NREP: variants seen among roughly 807,000 people sequenced by gnomAD.
NREP encodes neuronal regeneration related protein.
A neutral mutation model predicts 8.6 loss-of-function variants in NREP; 5 were observed. The observed-to-expected ratio is 0.58, with a 90% CI of 0.30 to 1.22. The LOEUF (loss-of-function observed/expected upper bound fraction) is 1.22, where lower values mean the gene tolerates loss of function less well. Among genes scored for constraint, NREP ranks in the 50% most tolerant of loss-of-function variants. The pLI, the probability that NREP is intolerant of heterozygous loss-of-function variation, is 0.07. For missense variants in NREP, 86 were observed against 82.5 expected (o/e 1.04, Z -0.17); for synonymous variants, 27 against 28.0 (o/e 0.96, Z 0.11).
chr5:111,910,894 T>G (rs1290738410), intron 2 of NREP, among the ~76,000 whole-genome samples: 4 of 152,096 alleles, frequency 2.6e-5, no homozygotes, highest in African/African-American at 9.7e-5. Flanking sequence ...CTCCTCCAAA[T>G]GATCTCCTAC....
intron 2 of NREP, among the ~76,000 whole-genome samples, chr5:111,844,151 AAG>A: frequency 6.6e-6 from 1 of 152,198 alleles, no homozygotes; most frequent in Non-Finnish European, 1.5e-5. Context: ...GATAGAATAA[AAG>A]AGTTATAAAG....
intron 2 of NREP, among the ~76,000 whole-genome samples, chr5:111,879,746 G>C (rs960229642): frequency 6.6e-6 from 1 of 152,196 alleles, no homozygotes; most frequent in Admixed American, 6.5e-5. Flanking sequence ...GGCCAGCATA[G>C]TTGAGCTTTG....
chr5:111,837,699 G>A (rs1752928377), intron 2 of NREP, among the ~76,000 whole-genome samples: 1 of 151,978 alleles, frequency 6.6e-6, no homozygotes, highest in Admixed American at 6.6e-5. Context: ...ATTTTTCAGT[G>A]CTTGATGAAA....
intron 2 of NREP, among the ~76,000 whole-genome samples, chr5:111,782,438 A>T (rs1011811094): frequency 6.6e-6 from 1 of 152,214 alleles, no homozygotes; most frequent in Admixed American, 6.5e-5. Context: ...CAGAGATGTG[A>T]TCATATATTC....
chr5:111,759,019 G>A (rs988980779), upstream of NREP, among the ~76,000 whole-genome samples: 3 of 152,202 alleles, frequency 2.0e-5, no homozygotes, highest in African/African-American at 4.8e-5. Context: ...TAGGAACAAA[G>A]GGAAGAAATA....
intron 2 of NREP, among the ~76,000 whole-genome samples, chr5:111,907,131 C>T (rs1490996248): frequency 1.3e-5 from 2 of 151,984 alleles, no homozygotes; most frequent in Non-Finnish European, 2.9e-5. Context: ...TTTCTCCTAG[C>T]CTGTGGCTTG....
intron 2 of NREP, among the ~76,000 whole-genome samples, chr5:111,777,812 G>C (rs1226588495): frequency 2.0e-5 from 3 of 152,202 alleles, no homozygotes; most frequent in Admixed American, 6.5e-5. Flanking sequence ...TATAACTAAA[G>C]TATGGCCAGG....
At chr5:111,799,585 C>T (rs569427002) in intron 2 of NREP, among the ~76,000 whole-genome samples, 1 of 152,246 alleles carries the variant, frequency 6.6e-6, no homozygotes, top group South Asian at 2.1e-4. Flanking sequence ...TTCCTATATG[C>T]TTTTAATCTG....
chr5:111,862,456 C>A (rs920278771), intron 2 of NREP, among the ~76,000 whole-genome samples: 4 of 152,058 alleles, frequency 2.6e-5, no homozygotes, highest in Admixed American at 2.6e-4. Flanking sequence ...TTTAGTCCTA[C>A]TGAGACCTAC....
intron 2 of NREP, among the ~76,000 whole-genome samples, chr5:111,833,351 C>A (rs1752819208): frequency 6.6e-6 from 1 of 152,190 alleles, no homozygotes; most frequent in Non-Finnish European, 1.5e-5. Flanking sequence ...CTAAACTGAT[C>A]AATGATACTA....
At chr5:111,964,557 G>A (rs1756577831) in intron 2 of NREP, among the ~76,000 whole-genome samples, 1 of 151,860 alleles carries the variant, frequency 6.6e-6, no homozygotes, top group South Asian at 2.1e-4. Flanking sequence ...TTTAGTAGAG[G>A]TGGGGTTTGC....
At chr5:111,891,727 G>C (rs1754399520) in intron 2 of NREP, among the ~76,000 whole-genome samples, 1 of 152,154 alleles carries the variant, frequency 6.6e-6, no homozygotes, top group Non-Finnish European at 1.5e-5. Flanking sequence ...ATCTAACATG[G>C]TGGGAGCAGG....
chr5:111,851,344 C>CA (rs766221950), intron 2 of NREP, among the ~76,000 whole-genome samples: 2 of 152,172 alleles, frequency 1.3e-5, no homozygotes, highest in Non-Finnish European at 2.9e-5. Context: ...TGCAGATACT[C>CA]TGGTGTTCTA....
At chr5:111,894,012 G>A (rs375445981) in intron 2 of NREP, among the ~76,000 whole-genome samples, 1 of 152,064 alleles carries the variant, frequency 6.6e-6, no homozygotes, top group East Asian at 1.9e-4. Flanking sequence ...GAGGTCAGGA[G>A]TTCAAGACTA....
In NREP at chr5:111,832,957, A is replaced by C. The variant is rs140761752; in HGVS notation, c.136-97450T>G. 4.2e-3 allele frequency among the ~76,000 whole-genome samples: 647 copies of C among 152,320 alleles called. 5 individuals carry two copies. The highest frequency in any genetic ancestry group is 0.024 in the Middle Eastern group (7 of 294). ...AGCCCTAACCTGGCTTGGAGGCCAC[A>C]TTGGAAGCAGTGTTCATCTGTCCCT... On this transcript the variant is annotated intron_variant, in intron 2 of 3. Transcript: ENST00000395634.
chr5:111,964,855 CAAAAAAAAAAAAAAAAAA>C (rs58877839), intron 2 of NREP, among the ~76,000 whole-genome samples: 108 of 44,878 alleles, frequency 2.4e-3, no homozygotes, highest in Admixed American at 5.3e-3. Context: ...CTTTCAGCAG[CAAAAAAAAAAAAAAAAAA>C]AAAAAAAAAA....
chr5:111,882,391 G>T (rs1201327400), intron 2 of NREP, among the ~76,000 whole-genome samples: 2 of 152,190 alleles, frequency 1.3e-5, no homozygotes, highest in African/African-American at 4.8e-5. Flanking sequence ...ATGGAACTAA[G>T]TTGGAAAACA....
intron 2 of NREP, among the ~76,000 whole-genome samples, chr5:111,811,333 T>C (rs536641326): frequency 1.3e-5 from 2 of 152,298 alleles, no homozygotes; most frequent in South Asian, 2.1e-4. Flanking sequence ...ATCAGACATA[T>C]ACTCTTCAAC....
intron 2 of NREP, among the ~76,000 whole-genome samples, chr5:111,783,520 A>T (rs1751541879): frequency 6.6e-6 from 1 of 152,202 alleles, no homozygotes; most frequent in East Asian, 1.9e-4. Context: ...TTCTGATCTC[A>T]AGGAGGAAAC....
Sources: gnomAD v4.1 joint callset for allele counts (sites outside exome capture counted in the v4.1 genomes callset) on GRCh38, gnomAD v4.1.1 for gene constraint, MANE v1.5 for transcripts, NCBI Gene and HGNC (gene_info 2026-07-23, HGNC 2026-07-21) for gene names.